Variants in CIITA observed in about 807,000 individuals in gnomAD.
The protein encoded by CIITA is MHC class II transactivator.
CIITA carries 72 observed loss-of-function variants against 115.1 expected under a neutral mutation model. The ratio of observed to expected loss-of-function variants is 0.63; its 90% CI spans 0.52 to 0.76. CIITA has a LOEUF of 0.76. Among genes scored for constraint, CIITA ranks in the 30% least tolerant of loss-of-function variants. The pLI is 0.00. For missense variants in CIITA, 1,617 were observed against 1,463.8 expected (o/e 1.10, Z -1.71); for synonymous variants, 763 against 635.6 (o/e 1.20, Z -3.02).
At chr16:10,915,325 C>G (rs2039876165) in intron 13 of CIITA, among the ~76,000 whole-genome samples, 1 of 152,150 alleles carries the variant, frequency 6.6e-6, no homozygotes, top group South Asian at 2.1e-4. Context: ...GCTGGAATTA[C>G]AGACATGAGC....
rs2040472203 is a variant in CIITA at position 10,924,998 on chromosome 16, C to T, written c.*1143C>T. 1 of 152,302 alleles carries T rather than the reference C, an allele frequency of 6.6e-6. No individual in the cohort carries two copies. Among genetic ancestry groups the T allele is most frequent in the Non-Finnish European group, 1.5e-5 (1 of 68,076 alleles). 9.4% of individuals were successfully genotyped at this position (152,302 alleles called of 1,614,324 possible). A position where few individuals can be genotyped will look rare whatever the true frequency, so the allele number is the denominator to read the frequency against. On this transcript the variant is annotated 3_prime_UTR_variant, in exon 20 of 20. Transcript: ENST00000324288. Reference sequence around the variant, plus strand: ...ACTCACATTTATTCTGCTCACATATCTGTCATTTGAGCAGGGCTCAGCGGG... The same window carrying T: ...ACTCACATTTATTCTGCTCACATATTTGTCATTTGAGCAGGGCTCAGCGGG...
Position 10,907,569 on chromosome 16 carries a change from G to A in CIITA, c.2077G>A (p.Gly693Ser). Residue 693 changes from glycine (G) to serine (S), a missense_variant, in exon 11 of 20, where the codon GGC becomes AGC. Gly to Ser is a moderately conservative substitution (Grantham distance 56, BLOSUM62 0). Transcript: ENST00000324288. This position sits in a 1 kb window ranked among gnomAD's most constrained non-coding sequence, Gnocchi z 5.0. ...ADVRTWAMAK[G>S]LVQHPPRAAE... ...CGTGAGGACCTGGGCGATGGCCAAAGGCTTAGTCCAACACCCACCGCGGGC... is the reference window on the plus strand; with the variant it reads ...CGTGAGGACCTGGGCGATGGCCAAAAGCTTAGTCCAACACCCACCGCGGGC... 1 of 1,614,186 alleles carries A rather than the reference G, an allele frequency of 6.2e-7. No homozygotes were observed. The highest frequency in any genetic ancestry group is 2.2e-5 in the East Asian group (1 of 44,868).
intron 9 of CIITA, among the ~76,000 whole-genome samples, 163 bp downstream of exon 9, chr16:10,904,058 G>A (rs1596539663): frequency 6.6e-6 from 1 of 152,152 alleles, no homozygotes; most frequent in South Asian, 2.1e-4. Context: ...TGGAGGCATG[G>A]TTGTGGGGGA....
At chr16:10,883,628 C>T (rs947826792) in intron 1 of CIITA, among the ~76,000 whole-genome samples, 2 of 152,082 alleles carry the variant, frequency 1.3e-5, no homozygotes, top group African/African-American at 4.8e-5. Context: ...TTTGTGGGGT[C>T]CTGTAGGATT....
At chr16:10,870,364 G>A (rs959680422) in intron 1 of CIITA, among the ~76,000 whole-genome samples, 8 of 152,124 alleles carry the variant, frequency 5.3e-5, no homozygotes, top group African/African-American at 1.4e-4. Context: ...CTGGAGATGG[G>A]AGCTTAGGGG....
In CIITA at chr16:10,903,068, A is replaced by AT. The variant is rs923892982; in HGVS notation, c.772+275dup. ...CCCTTCTGACCCTTAGTTTTTCCTT[A>AT]TTTTTTTTAAATGTTTTTGTTTTTA... On this transcript the variant is annotated intron_variant, in intron 8 of 19. Transcript: ENST00000324288. 2.5e-4 allele frequency among the ~76,000 whole-genome samples: 38 copies of AT among 152,040 alleles called. 1 individual carries two copies. The South Asian group carries it at 3.3e-3, about 13-fold the overall frequency.
At chr16:10,878,393 TCATGCCTTGGAGGACC>T in intron 1 of CIITA, among the ~76,000 whole-genome samples, 1 of 152,152 alleles carries the variant, frequency 6.6e-6, no homozygotes, top group East Asian at 1.9e-4. Context: ...CCTCAAAGTC[TCATGCCTTGGAGGACC>T]CAGCAGGAAT....
At chr16:10,909,509 C>A (rs1480048549) in intron 12 of CIITA, among the ~76,000 whole-genome samples, 1 of 152,308 alleles carries the variant, frequency 6.6e-6, no homozygotes, top group Non-Finnish European at 1.5e-5. Flanking sequence ...CTACTGCCAC[C>A]CTTTGAGGCA....
At chr16:10,918,879 C>A (rs2040112811) in intron 16 of CIITA, among the ~76,000 whole-genome samples, 1 of 152,140 alleles carries the variant, frequency 6.6e-6, no homozygotes, top group Admixed American at 6.5e-5. Context: ...TAACCACGTA[C>A]GTCAGCTTTT....
chr16:10,883,169 C>A (rs2036597954), intron 1 of CIITA, among the ~76,000 whole-genome samples: 1 of 152,046 alleles, frequency 6.6e-6, no homozygotes, highest in South Asian at 2.1e-4. Flanking sequence ...GAGTGTGGGG[C>A]CTGGCTTTGC....
downstream of CIITA, chr16:10,940,580 G>C (rs547858242): frequency 6.6e-6 from 1 of 152,394 alleles, no homozygotes; most frequent in African/African-American, 2.4e-5. The surrounding 1 kb of genome is among the most constrained non-coding windows in gnomAD (Gnocchi z 4.2). Flanking sequence ...GAGCCAAGGC[G>C]TTCCTGCCTG....
chr16:10,877,999 C>T, intron 1 of CIITA, among the ~76,000 whole-genome samples: 1 of 152,134 alleles, frequency 6.6e-6, no homozygotes, highest in East Asian at 1.9e-4. Flanking sequence ...AAGGGTGTGC[C>T]CCTGAAGAAG....
Position 10,933,507 on chromosome 16 carries a change from G to A in CIITA, c.*9652G>A, listed in dbSNP as rs1202561628. ...GCCCCTTCCTGGCTGTGTGACCTCAGACAAGTCACCCACCCTCTCTGGGCC... is the reference window on the plus strand; with the variant it reads ...GCCCCTTCCTGGCTGTGTGACCTCAAACAAGTCACCCACCCTCTCTGGGCC... On this transcript the variant is annotated 3_prime_UTR_variant, in exon 20 of 20. Coordinates refer to ENST00000324288, the MANE Select transcript of CIITA (RefSeq NM_000246.4). 6.6e-6 allele frequency: 1 copy of A among 152,296 alleles called. No individual in the cohort carries two copies. Among genetic ancestry groups the A allele is most frequent in the African/African-American group, 2.4e-5 (1 of 41,448 alleles). The allele number at this position is 152,296 out of a possible 1,614,324, so 9.4% of individuals were successfully genotyped here.
chr16:10,891,581 A>T (rs1439475395), intron 1 of CIITA, among the ~76,000 whole-genome samples: 1 of 152,126 alleles, frequency 6.6e-6, no homozygotes, highest in Non-Finnish European at 1.5e-5. Flanking sequence ...TCTTGTCACG[A>T]GATCACACTG....
Position 10,906,903 on chromosome 16 carries a change from T to A in CIITA, c.1411T>A (p.Ser471Thr), listed in dbSNP as rs765298652. The A allele has an allele frequency of 6.2e-7, 1 of 1,613,478 alleles. No homozygotes were observed. The highest frequency in any genetic ancestry group is 8.5e-7 in the Non-Finnish European group (1 of 1,180,014). The change falls in exon 11 of 20, where the codon TCC becomes ACC. Residue 471 changes from serine to threonine, a missense_variant. Transcript: ENST00000324288. ...CTATGGCCTGCAGGATCTGCTCTTC[T>A]CCCTGGGCCCACAGCCACTCGTGGC... ...DAYGLQDLLF[S>T]LGPQPLVAAD...
intron 16 of CIITA, 81 bp downstream of exon 16, chr16:10,918,607 G>A: frequency 1.6e-6 from 2 of 1,245,290 alleles, no homozygotes; most frequent in South Asian, 1.2e-5. Context: ...GCTGGCTGCA[G>A]GGGACACTGA....
chr16:10,915,434 A>C, intron 13 of CIITA, 136 bp from the exon 14 acceptor site: 1 of 734,268 alleles, frequency 1.4e-6, no homozygotes, highest in Non-Finnish European at 2.5e-6. Flanking sequence ...CAGGGACCTA[A>C]GAGGCTGGGG....
rs1300202930 is a variant in CIITA at position 10,906,913 on chromosome 16, C to T, written c.1421C>T (p.Pro474Leu). The change falls in exon 11 of 20, where the codon CCA (proline) becomes CTA (leucine). Residue 474 changes from proline (P) to leucine (L), a missense_variant. Pro to Leu is a moderately conservative substitution (Grantham distance 98, BLOSUM62 -3). Transcript: ENST00000324288. ...GLQDLLFSLG[P>L]QPLVAADEVF... ...CAGGATCTGCTCTTCTCCCTGGGCC[C>T]ACAGCCACTCGTGGCGGCCGATGAG... The T allele has an allele frequency of 5.0e-6, 8 of 1,613,400 alleles. No individual in the cohort carries two copies. The highest frequency in any genetic ancestry group is 6.8e-6 in the Non-Finnish European group (8 of 1,180,046).
Position 10,922,412 on chromosome 16 carries a change from A to C in CIITA, c.3239A>C (p.Gln1080Pro). ...AGGTGAGTTTCTCTTGCCAGCGTCCAGTACAACAAGTTCACGGCTGCCGGG... is the reference window on the plus strand; with the variant it reads ...AGGTGAGTTTCTCTTGCCAGCGTCCCGTACAACAAGTTCACGGCTGCCGGG... ...DMVSLRVMDV[Q>P]YNKFTAAGAQ... Residue 1080 changes from glutamine (Q) to proline (P), a missense_variant, in exon 18 of 20, where the codon CAG becomes CCG. By Grantham distance (76) the Gln-to-Pro change is moderately conservative (BLOSUM62 -1). Coordinates refer to ENST00000324288, the MANE Select transcript of CIITA (RefSeq NM_000246.4). 6.2e-7 allele frequency: 1 copy of C among 1,614,254 alleles called. No individual in the cohort carries two copies. Among genetic ancestry groups the C allele is most frequent in the Non-Finnish European group, 8.5e-7 (1 of 1,180,044 alleles).
Sources: gnomAD v4.1 joint callset for allele counts (sites outside exome capture counted in the v4.1 genomes callset) on GRCh38, gnomAD v4.1.1 for gene constraint, Gnocchi (gnomAD v3.1) non-coding constraint, MANE v1.5 for transcripts, NCBI Gene and HGNC (gene_info 2026-07-23, HGNC 2026-07-21) for gene names.